RNF32: variants seen among roughly 807,000 people sequenced by gnomAD.
RNF32 encodes the protein ring finger protein 32.
Under a neutral mutation model 41.0 loss-of-function variants are expected in RNF32, and 36 were observed. The ratio of observed to expected loss-of-function variants is 0.88; its 90% CI spans 0.67 to 1.16. The LOEUF is 1.16. Among genes scored for constraint, RNF32 ranks in the 50% most tolerant of loss-of-function variants. The probability of loss-of-function intolerance (pLI) is 0.00; values close to 1 mark genes in which losing one functional copy is unlikely to be tolerated. For synonymous variants in RNF32, 154 were observed against 160.9 expected, an observed-to-expected ratio of 0.96 and a Z score of 0.32; for missense variants, 413 against 436.7, an observed-to-expected ratio of 0.95 and a Z score of 0.48.
intron 7 of RNF32, among the ~76,000 whole-genome samples, chr7:156,662,089 C>G (rs935856264): frequency 1.3e-5 from 2 of 152,202 alleles, no homozygotes; most frequent in Non-Finnish European, 2.9e-5. Flanking sequence ...GAAGATTGAA[C>G]TTACTGTAAA....
At chr7:156,664,690 TAATA>T (rs1801105085) in intron 7 of RNF32, among the ~76,000 whole-genome samples, 1 of 152,198 alleles carries the variant, frequency 6.6e-6, no homozygotes, top group Admixed American at 6.5e-5. Context: ...AAGAGCTTAA[TAATA>T]AATGTGAGAC....
chr7:156,658,643 CAG>C (rs1800118225), intron 7 of RNF32, 73 bp downstream of exon 7: 7 of 986,426 alleles, frequency 7.1e-6, no homozygotes, highest in African/African-American at 1.6e-5. Flanking sequence ...GGAAGGCTAA[CAG>C]AGGTGGTAAA....
intron 7 of RNF32, among the ~76,000 whole-genome samples, chr7:156,664,793 T>C (rs1014939890): frequency 7.9e-5 from 12 of 152,224 alleles, no homozygotes; most frequent in African/African-American, 2.9e-4. Context: ...AGCATAATAG[T>C]ATACTATTAA....
chr7:156,674,337 G>T (rs192390263), intron 7 of RNF32, among the ~76,000 whole-genome samples: 1 of 152,374 alleles, frequency 6.6e-6, no homozygotes, highest in East Asian at 1.9e-4. Flanking sequence ...CCCCACCTGG[G>T]CATGGGGGAA....
intron 3 of RNF32, among the ~76,000 whole-genome samples, chr7:156,652,041 G>A (rs907200250): frequency 3.9e-5 from 6 of 152,186 alleles, no homozygotes; most frequent in East Asian, 1.9e-4. Context: ...ACGCTTCTCT[G>A]TCAGTAGCTC....
At chr7:156,660,064 G>A (rs878993873) in intron 7 of RNF32, 59 of 985,610 alleles carry the variant, frequency 6.0e-5, no homozygotes, top group Admixed American at 4.9e-4. Context: ...ACTGTTTTTT[G>A]TTTTATCCTT....
chr7:156,664,953 A>G (rs573289721), intron 7 of RNF32, among the ~76,000 whole-genome samples: 2 of 152,334 alleles, frequency 1.3e-5, no homozygotes, highest in East Asian at 3.9e-4. Flanking sequence ...TACCTATAAA[A>G]ATTTTAACGT....
In RNF32 at chr7:156,644,691, T is replaced by C; in HGVS notation, c.208T>C (p.Cys70Arg). Residue 70 changes from cysteine to arginine, a missense_variant, in exon 3 of 9, where the codon TGC (cysteine) becomes CGC (arginine). Transcript: ENST00000317955. Reference sequence around the variant, plus strand: ...TACTGGACTTAAAAAAACTACACAGTGCCCCAAACTAGAAGACTCAGAAAA... The same window carrying C: ...TACTGGACTTAAAAAAACTACACAGCGCCCCAAACTAGAAGACTCAGAAAA... ...IDTGLKKTTQ[C>R]PKLEDSEKEY... 1 of 1,612,940 alleles carries C rather than the reference T, an allele frequency of 6.2e-7. No homozygotes were observed. The highest frequency in any genetic ancestry group is 1.1e-5 in the South Asian group (1 of 90,716).
At chr7:156,668,536 T>G (rs980253317) in intron 7 of RNF32, among the ~76,000 whole-genome samples, 4 of 152,188 alleles carry the variant, frequency 2.6e-5, no homozygotes, top group Admixed American at 6.5e-5. Context: ...TCCCTCTGCC[T>G]CTGTGTCCTC....
chr7:156,662,658 A>G (rs1800810562), intron 7 of RNF32, among the ~76,000 whole-genome samples: 2 of 152,078 alleles, frequency 1.3e-5, no homozygotes, highest in African/African-American at 4.8e-5. Context: ...CCATATAAAT[A>G]GAAATCATTT....
At chr7:156,675,670 C>T (rs1363926823) in intron 7 of RNF32, 26 bp from the exon 8 acceptor site, 4 of 1,599,702 alleles carry the variant, frequency 2.5e-6, no homozygotes, top group Non-Finnish European at 3.4e-6. Context: ...CAGGTGTGAG[C>T]TTACCCGCCC....
At chr7:156,672,864 T>C (rs1340647560) in intron 7 of RNF32, among the ~76,000 whole-genome samples, 1 of 152,246 alleles carries the variant, frequency 6.6e-6, no homozygotes, top group South Asian at 2.1e-4. Context: ...GTTAAATAAC[T>C]TTGCATATTT....
At chr7:156,668,192 C>T (rs1801655069) in intron 7 of RNF32, among the ~76,000 whole-genome samples, 1 of 152,178 alleles carries the variant, frequency 6.6e-6, no homozygotes, top group African/African-American at 2.4e-5. Context: ...TAACACTGGG[C>T]AGCTGACGTG....
At chr7:156,661,610 C>A (rs1800688047) in intron 7 of RNF32, among the ~76,000 whole-genome samples, 1 of 152,158 alleles carries the variant, frequency 6.6e-6, no homozygotes, top group African/African-American at 2.4e-5. Flanking sequence ...TGAGAGCCAC[C>A]ATGGCCTGGC....
At chr7:156,658,331 A>AT (rs1433956880) in intron 6 of RNF32, 79 bp downstream of exon 6, 21 of 1,584,288 alleles carry the variant, frequency 1.3e-5, no homozygotes, top group Non-Finnish European at 1.8e-5. Context: ...GAATAGTGGG[A>AT]TTTTATCTCT....
chr7:156,668,484 C>T (rs1005851929), intron 7 of RNF32, among the ~76,000 whole-genome samples: 9 of 152,148 alleles, frequency 5.9e-5, no homozygotes, highest in East Asian at 1.9e-4. Flanking sequence ...CGGGTGGAGC[C>T]GGGCTCCAGT....
At chr7:156,640,334 G>C (rs1462340313), upstream of RNF32, 1 of 450,436 alleles carries the variant, frequency 2.2e-6, no homozygotes, top group Non-Finnish European at 4.4e-6. Flanking sequence ...CCAGGCCCAG[G>C]TGGGCGGGCG....
chr7:156,650,523 G>A (rs2131397059), intron 3 of RNF32, among the ~76,000 whole-genome samples: 1 of 152,326 alleles, frequency 6.6e-6, no homozygotes, highest in South Asian at 2.1e-4. Context: ...TGGCCAGAGA[G>A]CACAGCAGTT....
intron 3 of RNF32, among the ~76,000 whole-genome samples, chr7:156,651,215 CTTTTT>C (rs201556848): frequency 7.2e-6 from 1 of 138,750 alleles, no homozygotes; most frequent in Non-Finnish European, 1.6e-5. Context: ...TTTAATATTT[CTTTTT>C]TTTTTTTTTT....
Sources: allele counts gnomAD v4.1 joint callset (sites outside exome capture counted in the v4.1 genomes callset), GRCh38; gene constraint gnomAD v4.1.1; transcripts MANE v1.5; gene names NCBI Gene and HGNC (gene_info 2026-07-23, HGNC 2026-07-21).